The following PTBP2 variants were observed in gnomAD, a reference collection of about 807,000 sequenced individuals.
PTBP2 encodes polypyrimidine tract-binding protein 2.
A neutral mutation model predicts 61.4 loss-of-function variants in PTBP2; 13 were observed. The ratio of observed to expected loss-of-function variants is 0.21; its 90% CI spans 0.14 to 0.34. The LOEUF (loss-of-function observed/expected upper bound fraction) is 0.34, where lower values mean the gene tolerates loss of function less well. Ranked by LOEUF, PTBP2 falls within the 10% of genes least tolerant of loss-of-function variation. PTBP2 has a pLI of 1.00. For missense variants in PTBP2, 405 were observed against 642.6 expected (o/e 0.63, Z 4.00); for synonymous variants, 215 against 218.5 (o/e 0.98, Z 0.14).
intron 5 of PTBP2, among the ~76,000 whole-genome samples, chr1:96,772,297 C>T (rs1657471279): frequency 6.6e-6 from 1 of 152,178 alleles, no homozygotes; most frequent in Non-Finnish European, 1.5e-5. Context: ...AGCCTCTAAT[C>T]ATGCCTTGAT....
At chr1:96,752,478 A>G (rs896824146) in intron 3 of PTBP2, among the ~76,000 whole-genome samples, 4 of 152,120 alleles carry the variant, frequency 2.6e-5, no homozygotes, top group African/African-American at 9.7e-5. Context: ...ACTAAAAATT[A>G]TAAGGACTTA....
chr1:96,741,868 C>T (rs2100858498), intron 2 of PTBP2, among the ~76,000 whole-genome samples: 2 of 152,252 alleles, frequency 1.3e-5, no homozygotes, highest in Admixed American at 1.3e-4. Context: ...CAGCTTTTCT[C>T]CAATGATCTG....
chr1:96,727,642 C>T (rs559311596), intron 2 of PTBP2, among the ~76,000 whole-genome samples: 1 of 152,162 alleles, frequency 6.6e-6, no homozygotes, highest in Admixed American at 6.5e-5. Flanking sequence ...CCTCTAATAT[C>T]TATGATGTTG....
chr1:96,800,185 T>C (rs54790), intron 8 of PTBP2, among the ~76,000 whole-genome samples: 44,485 of 151,918 alleles, frequency 0.29, 7,271 homozygotes, highest in East Asian at 0.46. Context: ...TCCGGAATGG[T>C]GGAAGTAAAT....
At chr1:96,745,479 C>CTT (rs1653631697) in intron 2 of PTBP2, among the ~76,000 whole-genome samples, 7 of 152,002 alleles carry the variant, frequency 4.6e-5, no homozygotes, top group African/African-American at 1.7e-4. Context: ...GCTTTTTAAT[C>CTT]CCCCTTCTTA....
chr1:96,773,085 C>G (rs966243282), intron 5 of PTBP2, among the ~76,000 whole-genome samples: 22 of 142,540 alleles, frequency 1.5e-4, no homozygotes, highest in African/African-American at 5.9e-4. Context: ...AGATGCGTCA[C>G]TGCACTCCAG....
intron 3 of PTBP2, among the ~76,000 whole-genome samples, chr1:96,762,135 A>G (rs1454587282): frequency 6.6e-6 from 1 of 151,094 alleles, no homozygotes; most frequent in African/African-American, 2.4e-5. Context: ...ACCTCTTTCT[A>G]CACAGACACG....
chr1:96,813,458 A>ATTT lies in PTBP2; in HGVS notation c.*54_*56dup. 1 of 1,438,258 alleles carries ATTT rather than the reference A, an allele frequency of 7.0e-7. No individual in the cohort carries two copies. The highest frequency in any genetic ancestry group is 9.2e-7 in the Non-Finnish European group (1 of 1,081,220). 89.1% of individuals were successfully genotyped at this position (1,438,258 alleles called of 1,614,324 possible). ...ATCACATTGTTCAATGTCATCACCT[A>ATTT]TTTGACTGTTCAGAAAAGTGGGGAC... On this transcript the variant is annotated 3_prime_UTR_variant, in exon 14 of 14. Transcript: ENST00000674951.
At chr1:96,792,912 G>A (rs6699242) in intron 8 of PTBP2, among the ~76,000 whole-genome samples, 41,072 of 151,752 alleles carry the variant, frequency 0.27, 7,021 homozygotes, top group African/African-American at 0.49. Context: ...TTTGAAAGCT[G>A]TCCCCCAAGA....
intron 3 of PTBP2, among the ~76,000 whole-genome samples, chr1:96,763,025 G>GC (rs1374927132): frequency 6.6e-6 from 1 of 151,896 alleles, no homozygotes; most frequent in Non-Finnish European, 1.5e-5. Flanking sequence ...TGGGATGGCG[G>GC]CCGGGAAGAG....
intron 2 of PTBP2, among the ~76,000 whole-genome samples, chr1:96,725,912 A>G (rs1324541059): frequency 1.3e-5 from 2 of 151,240 alleles, no homozygotes; most frequent in Admixed American, 6.6e-5. Flanking sequence ...TGTCTTTACT[A>G]AAAATACAAA....
chr1:96,791,498 G>GT (rs1329712574), intron 8 of PTBP2, among the ~76,000 whole-genome samples: 2 of 152,146 alleles, frequency 1.3e-5, no homozygotes, highest in Non-Finnish European at 2.9e-5. Context: ...ATATGGCATG[G>GT]TATTTTCATG....
intron 2 of PTBP2, among the ~76,000 whole-genome samples, chr1:96,736,596 A>T (rs894776240): frequency 6.6e-6 from 1 of 152,196 alleles, no homozygotes; most frequent in African/African-American, 2.4e-5. Context: ...AAATATCCCA[A>T]GTTTTCATAT....
intron 2 of PTBP2, among the ~76,000 whole-genome samples, chr1:96,743,293 T>A (rs1027036823): frequency 1.4e-4 from 19 of 135,376 alleles, no homozygotes; most frequent in African/African-American, 3.9e-4. Context: ...AAAAAAAAAA[T>A]TCCACTTTCT....
In PTBP2 at chr1:96,735,063, G is replaced by A. The variant is rs536113325; in HGVS notation, c.39+11469G>A. Among the ~76,000 whole-genome samples, 247 of 151,518 alleles carry A rather than the reference G, an allele frequency of 1.6e-3. 1 individual carries two copies. The highest frequency in any genetic ancestry group is 3.7e-3 in the Admixed American group (57 of 15,240). ...TTCCCAAGTAGCTGGAACTACAGGC[G>A]CCTGCCACTACACCTGGCTAATTTT... is the stretch of plus-strand genomic sequence containing the variant. On this transcript the variant is annotated intron_variant, in intron 2 of 13. Transcript: ENST00000674951.
At chr1:96,731,775 TAGG>T (rs1156848709) in intron 2 of PTBP2, among the ~76,000 whole-genome samples, 2 of 152,162 alleles carry the variant, frequency 1.3e-5, no homozygotes, top group African/African-American at 2.4e-5. Context: ...GAGTTTGTAA[TAGG>T]AGATTTGTTG....
intron 9 of PTBP2, among the ~76,000 whole-genome samples, chr1:96,805,208 T>C (rs1341447791): frequency 6.6e-6 from 1 of 152,168 alleles, no homozygotes; most frequent in South Asian, 2.1e-4. Context: ...GGTGAAGTAC[T>C]GTAGTTTGGC....
In PTBP2 at chr1:96,777,393, A is replaced by G. The variant is rs115764674; in HGVS notation, c.433-192A>G. Among the ~76,000 whole-genome samples, 441 of 152,298 alleles carry G rather than the reference A, an allele frequency of 2.9e-3. 2 individuals carry two copies. Among genetic ancestry groups the G allele is most frequent in the African/African-American group, 0.01 (430 of 41,564 alleles). On this transcript the variant is annotated intron_variant, in intron 5 of 13. Transcript: ENST00000674951. ...GGATAATTTTTTTGAATGAAATACT[A>G]GTAGAATATTTGATTTATTAAACAG...
At chr1:96,751,120 G>T (rs1654481394) in intron 2 of PTBP2, among the ~76,000 whole-genome samples, 1 of 152,000 alleles carries the variant, frequency 6.6e-6, no homozygotes, top group African/African-American at 2.4e-5. Flanking sequence ...TAGCTGTTGT[G>T]GCTTTGGTTT....
Sources: allele counts gnomAD v4.1 joint callset (sites outside exome capture counted in the v4.1 genomes callset), GRCh38; gene constraint gnomAD v4.1.1; transcripts MANE v1.5; gene names NCBI Gene and HGNC (gene_info 2026-07-23, HGNC 2026-07-21).